RC3H2: variants seen among roughly 807,000 people sequenced by gnomAD.
RC3H2 encodes ring finger and CCCH-type domains 2.
In RC3H2, 31 loss-of-function variants were observed where a neutral mutation model predicts 133.3. That is an observed-to-expected ratio of 0.23 (90% CI 0.17 to 0.31). The LOEUF is 0.31. Among genes scored for constraint, RC3H2 ranks in the 10% least tolerant of loss-of-function variants. The pLI, the probability that RC3H2 is intolerant of heterozygous loss-of-function variation, is 1.00. For synonymous variants in RC3H2, 517 were observed against 502.2 expected (o/e 1.03, Z -0.40); for missense variants, 1,175 against 1,437.2 (o/e 0.82, Z 2.95).
intron 20 of RC3H2, among the ~76,000 whole-genome samples, chr9:122,850,029 T>G (rs1047815368): frequency 6.6e-6 from 1 of 152,120 alleles, no homozygotes; most frequent in Non-Finnish European, 1.5e-5. Flanking sequence ...CAGGCTGGAG[T>G]GCAGTGGCAT....
chr9:122,901,880 C>T (rs915692453), intron 1 of RC3H2, among the ~76,000 whole-genome samples: 15 of 151,266 alleles, frequency 9.9e-5, no homozygotes, highest in African/African-American at 3.2e-4. Context: ...TGAGCCTCGG[C>T]GCCCAGTCTC....
At chr9:122,890,263 C>T in intron 4 of RC3H2, 49 bp downstream of exon 4, 1 of 1,481,474 alleles carries the variant, frequency 6.8e-7, no homozygotes, top group Non-Finnish European at 9.4e-7. Context: ...AATTGGCATC[C>T]TCAAGCCCCA....
At chr9:122,862,004 G>T (rs1392150680) in intron 10 of RC3H2, among the ~76,000 whole-genome samples, 1 of 152,188 alleles carries the variant, frequency 6.6e-6, no homozygotes, top group Non-Finnish European at 1.5e-5. Context: ...GTGGTTATTT[G>T]AGTCTATTCC....
intron 10 of RC3H2, among the ~76,000 whole-genome samples, chr9:122,863,650 C>T (rs1830537622): frequency 6.6e-6 from 1 of 152,134 alleles, no homozygotes; most frequent in Admixed American, 6.5e-5. Context: ...AAAACAGCTA[C>T]AAGATTGAGT....
intron 1 of RC3H2, among the ~76,000 whole-genome samples, chr9:122,904,701 C>T (rs1832773942): frequency 6.6e-6 from 1 of 152,218 alleles, no homozygotes; most frequent in Admixed American, 6.5e-5. Flanking sequence ...ACCCTCTACG[C>T]TAGGGTCTCG....
rs1472334926 is a variant in RC3H2 at position 122,845,191 on chromosome 9, T to G, written c.*4436A>C. 6.6e-6 allele frequency: 1 copy of G among 152,190 alleles called. No individual in the cohort carries two copies. The allele number at this position is 152,190 out of a possible 1,614,324, so 9.4% of individuals were successfully genotyped here. ...TTTCCAGCTAAGCAAATTTATAAAATGTAATCAATGCAACAAGAAAAACAT... is the reference window on the plus strand; with the variant it reads ...TTTCCAGCTAAGCAAATTTATAAAAGGTAATCAATGCAACAAGAAAAACAT... On this transcript the variant is annotated 3_prime_UTR_variant, in exon 21 of 21. Coordinates refer to ENST00000357244, the MANE Select transcript of RC3H2 (RefSeq NM_001100588.3).
intron 1 of RC3H2, among the ~76,000 whole-genome samples, chr9:122,901,447 A>T (rs1430544500): frequency 6.6e-6 from 1 of 152,224 alleles, no homozygotes; most frequent in Non-Finnish European, 1.5e-5. Flanking sequence ...AAGGAATTGA[A>T]TTGCAATTTA....
Position 122,851,680 on chromosome 9 carries a change from G to A in RC3H2, c.3118-244C>T, listed in dbSNP as rs1484398733. ...CCTGACTGGTTTTCGTATTTTTTTG[G>A]TGGAGACGGGGTTTCGCTGTGATGG... On this transcript the variant is annotated intron_variant, in intron 18 of 20. Coordinates refer to ENST00000357244, the MANE Select transcript of RC3H2 (RefSeq NM_001100588.3). The A allele has an allele frequency of 1.4e-4, 61 of 437,884 alleles. 2 individuals are homozygous for A. Among genetic ancestry groups the A allele is most frequent in the South Asian group, 1.3e-3 (55 of 41,982 alleles). The allele number at this position is 437,884 out of a possible 1,614,324, so 27.1% of individuals were successfully genotyped here.
In RC3H2 at chr9:122,905,354, A is replaced by C; in HGVS notation, c.-312T>G. On this transcript the variant is annotated 5_prime_UTR_variant, in exon 1 of 21. Coordinates refer to ENST00000357244, the MANE Select transcript of RC3H2 (RefSeq NM_001100588.3). Reference sequence around the variant, plus strand: ...CTCCTCACCACGGAGGCGGACCTGGAGGGATCCCGATCTAGCTCTCGCGAG... The same window carrying C: ...CTCCTCACCACGGAGGCGGACCTGGCGGGATCCCGATCTAGCTCTCGCGAG... 1.1e-6 allele frequency: 1 copy of C among 933,856 alleles called. No homozygotes were observed. Among genetic ancestry groups the C allele is most frequent in the African/African-American group, 1.8e-5 (1 of 56,314 alleles). The allele number at this position is 933,856 out of a possible 1,614,324, so 57.8% of individuals were successfully genotyped here. A position where few individuals can be genotyped will look rare whatever the true frequency, so the allele number is the denominator to read the frequency against.
At chr9:122,855,134 A>AT in intron 15 of RC3H2, 50 bp downstream of exon 15, 19 of 1,116,728 alleles carry the variant, frequency 1.7e-5, no homozygotes, top group Non-Finnish European at 2.3e-5. Context: ...AAAAAAAAAA[A>AT]GGCATAGTGC....
At chr9:122,855,529 A>T in intron 14 of RC3H2, 132 bp from the exon 15 acceptor site, 1 of 959,506 alleles carries the variant, frequency 1.0e-6, no homozygotes, top group Non-Finnish European at 1.5e-6. Flanking sequence ...ACGATAATCC[A>T]ACAAACTACC....
intron 4 of RC3H2, 131 bp from the exon 5 acceptor site, chr9:122,883,510 G>A (rs1831742540): frequency 3.4e-6 from 2 of 589,242 alleles, no homozygotes; most frequent in East Asian, 6.3e-5. Context: ...TTAGCACAAA[G>A]AGGACATCAC....
chr9:122,893,470 G>C (rs1417385233), intron 2 of RC3H2, among the ~76,000 whole-genome samples: 1 of 152,140 alleles, frequency 6.6e-6, no homozygotes, highest in East Asian at 1.9e-4. Context: ...CTCCAGTCTG[G>C]GTGACAGAGT....
chr9:122,883,426 T>C (rs999975626), intron 4 of RC3H2, 47 bp from the exon 5 acceptor site: 6 of 1,477,098 alleles, frequency 4.1e-6, no homozygotes, highest in Non-Finnish European at 5.5e-6. Context: ...GAGGAACCCA[T>C]CAGATCATGT....
chr9:122,852,361 TGAG>T (rs1311368342), intron 18 of RC3H2, among the ~76,000 whole-genome samples: 1 of 139,862 alleles, frequency 7.1e-6, no homozygotes, highest in Non-Finnish European at 1.6e-5. Context: ...GTCTGGGAAG[TGAG>T]GAGCGTCTCC....
intron 1 of RC3H2, among the ~76,000 whole-genome samples, chr9:122,903,372 C>A (rs996073223): frequency 1.3e-5 from 2 of 152,116 alleles, no homozygotes; most frequent in African/African-American, 2.4e-5. Context: ...TTTTAGCGTT[C>A]TTAGCTATTG....
At chr9:122,882,667 C>T (rs765070255) in intron 5 of RC3H2, among the ~76,000 whole-genome samples, 19 of 152,260 alleles carry the variant, frequency 1.2e-4, no homozygotes, top group Non-Finnish European at 1.2e-4. Context: ...TTTAAAATAT[C>T]TTGGGGTTCT....
At chr9:122,891,985 G>A (rs922142484) in intron 3 of RC3H2, among the ~76,000 whole-genome samples, 1 of 152,154 alleles carries the variant, frequency 6.6e-6, no homozygotes, top group Non-Finnish European at 1.5e-5. Flanking sequence ...TTTAATGAAT[G>A]ACTGAATGAA....
intron 2 of RC3H2, among the ~76,000 whole-genome samples, chr9:122,895,977 A>G (rs1832397350): frequency 6.6e-6 from 1 of 152,020 alleles, no homozygotes; most frequent in African/African-American, 2.4e-5. Flanking sequence ...ATTCTATAGC[A>G]CATGTTCTTT....
Sources: gnomAD v4.1 joint callset for allele counts (sites outside exome capture counted in the v4.1 genomes callset) on GRCh38, gnomAD v4.1.1 for gene constraint, MANE v1.5 for transcripts, NCBI Gene and HGNC (gene_info 2026-07-23, HGNC 2026-07-21) for gene names.